Variants in CD164 observed in about 807,000 individuals in gnomAD.
CD164 encodes sialomucin core protein 24.
Under a neutral mutation model 24.6 loss-of-function variants are expected in CD164, and 11 were observed. The ratio of observed to expected loss-of-function variants is 0.45; its 90% CI spans 0.28 to 0.74. CD164 has a LOEUF of 0.74. CD164 is among the 30% of genes least tolerant of loss of function. The probability of loss-of-function intolerance (pLI) is 0.13; values close to 1 mark genes in which losing one functional copy is unlikely to be tolerated. For synonymous variants in CD164, 126 were observed against 100.3 expected (o/e 1.26, Z -1.53); for missense variants, 295 against 243.7 (o/e 1.21, Z -1.40).
intron 4 of CD164, chr6:109,370,694 GTATC>G (rs1771029470): frequency 6.8e-6 from 3 of 443,528 alleles, no homozygotes; most frequent in Non-Finnish European, 1.2e-5. Flanking sequence ...TAATATCTAT[GTATC>G]TATCTTGTAT....
At chr6:109,379,759 T>C in intron 1 of CD164, 97 bp from the exon 2 acceptor site, 1 of 837,744 alleles carries the variant, frequency 1.2e-6, no homozygotes, top group South Asian at 1.6e-5. Flanking sequence ...AAGCATTACA[T>C]ACAGCATCAA....
chr6:109,373,505 CAGCACCAAAGAGAGCTAT>C (rs1771213771), intron 4 of CD164, among the ~76,000 whole-genome samples: 1 of 152,160 alleles, frequency 6.6e-6, no homozygotes, highest in South Asian at 2.1e-4. Context: ...TCCCCCTTTA[CAGCACCAAAGAGAGCTAT>C]AGCACAAAAG....
chr6:109,368,406 T>C lies in CD164; in HGVS notation c.*445A>G. 7.0e-7 allele frequency: 1 copy of C among 1,435,816 alleles called. No individual in the cohort carries two copies. Among genetic ancestry groups the C allele is most frequent in the Non-Finnish European group, 9.1e-7 (1 of 1,094,752 alleles). The allele number at this position is 1,435,816 out of a possible 1,614,324, so 88.9% of individuals were successfully genotyped here. A position where few individuals can be genotyped will look rare whatever the true frequency, so the allele number is the denominator to read the frequency against. ...TTTAGTACTACTAAATTAATAAATT[T>C]ATTCCACTTTTGAAATGACAGCCAA... On this transcript the variant is annotated 3_prime_UTR_variant, in exon 6 of 6. Transcript: ENST00000310786.
chr6:109,371,848 A>G (rs562984257), intron 4 of CD164: 1 of 152,746 alleles, frequency 6.5e-6, no homozygotes, highest in Non-Finnish European at 1.5e-5. Flanking sequence ...CAAGGGCTTC[A>G]ATATGAGGAT....
intron 1 of CD164, chr6:109,381,697 G>A: frequency 3.1e-6 from 2 of 655,570 alleles, no homozygotes; most frequent in South Asian, 1.7e-5. Context: ...TCTGAGACAC[G>A]AACGAGCATT....
chr6:109,378,762 C>T (rs1771566093), intron 2 of CD164, among the ~76,000 whole-genome samples: 1 of 151,792 alleles, frequency 6.6e-6, no homozygotes, highest in Non-Finnish European at 1.5e-5. Context: ...ACTTCTATAA[C>T]AAAAAAGTTA....
intron 3 of CD164, among the ~76,000 whole-genome samples, 184 bp downstream of exon 3, chr6:109,377,716 C>G (rs1369244878): frequency 6.6e-6 from 1 of 151,452 alleles, no homozygotes; most frequent in Non-Finnish European, 1.5e-5. Flanking sequence ...AGCTAAATCA[C>G]TAAACCAAGC....
intron 4 of CD164, among the ~76,000 whole-genome samples, chr6:109,374,726 A>T (rs916617466): frequency 6.6e-6 from 1 of 152,044 alleles, no homozygotes; most frequent in East Asian, 1.9e-4. Flanking sequence ...ACTCCTTCTC[A>T]CCTTGTACAG....
At position 109,366,597 on chromosome 6, in the gene CD164, T is replaced by C. The variant is rs1770770272; in HGVS notation, c.*2254A>G. The C allele has an allele frequency of 6.6e-6, 1 of 152,628 alleles. No individual in the cohort carries two copies. The highest frequency in any genetic ancestry group is 2.1e-4 in the South Asian group (1 of 4,834). 9.5% of individuals were successfully genotyped at this position (152,628 alleles called of 1,614,324 possible). The stretch of plus-strand genomic sequence containing the variant: ...TTTTGCAGTTTTTAATGAACTGAAA[T>C]AGAAATGTCTAAATACAGCAGTATC... On this transcript the variant is annotated 3_prime_UTR_variant, in exon 6 of 6. Transcript: ENST00000310786.
At chr6:109,379,420 G>A (rs1226977964) in intron 2 of CD164, among the ~76,000 whole-genome samples, 159 bp downstream of exon 2, 1 of 152,190 alleles carries the variant, frequency 6.6e-6, no homozygotes, top group Admixed American at 6.5e-5. Flanking sequence ...GAGATTTTCA[G>A]GGGGAGTGCG....
intron 4 of CD164, chr6:109,372,809 T>C (rs1188493796): frequency 2.0e-5 from 3 of 152,314 alleles, no homozygotes; most frequent in Admixed American, 1.3e-4. Flanking sequence ...CTATTACCAA[T>C]TGTTTGACAA....
intron 3 of CD164, among the ~76,000 whole-genome samples, chr6:109,376,914 C>T (rs542450292): frequency 9.8e-5 from 15 of 152,312 alleles, no homozygotes; most frequent in African/African-American, 3.6e-4. Flanking sequence ...AGTGGGAAGA[C>T]TGCTTAAGCC....
chr6:109,381,217 CTT>C (rs1771719154), intron 1 of CD164, among the ~76,000 whole-genome samples: 1 of 152,204 alleles, frequency 6.6e-6, no homozygotes, highest in African/African-American at 2.4e-5. Context: ...TTCCTTCTCT[CTT>C]TTGTGTTGTC....
At chr6:109,370,003 A>G (rs1770987305) in intron 5 of CD164, among the ~76,000 whole-genome samples, 1 of 152,232 alleles carries the variant, frequency 6.6e-6, no homozygotes, top group African/African-American at 2.4e-5. Context: ...CACATCTGGT[A>G]GTGATTCTGG....
Position 109,377,866 on chromosome 6 carries a change from G to T in CD164, c.331+34C>A, listed in dbSNP as rs369727634. ...GCAATGATCTTCCTCACCTCTCTGC[G>T]GTCAGCTTCCAAGCAGCCAATATGA... On this transcript the variant is annotated intron_variant, in intron 3 of 5. Transcript: ENST00000310786. 6.5e-6 allele frequency: 10 copies of T among 1,527,472 alleles called. No homozygotes were observed. In the African/African-American group the frequency reaches 1.2e-4, roughly 19 times the overall value. 94.6% of individuals were successfully genotyped at this position (1,527,472 alleles called of 1,614,324 possible). A position where few individuals can be genotyped will look rare whatever the true frequency, so the allele number is the denominator to read the frequency against.
At chr6:109,374,930 C>T (rs929216287) in intron 4 of CD164, among the ~76,000 whole-genome samples, 3 of 152,208 alleles carry the variant, frequency 2.0e-5, no homozygotes, top group Non-Finnish European at 4.4e-5. Flanking sequence ...TGAGATCTTT[C>T]ATTGTTCCTA....
chr6:109,377,388 G>A (rs890201803), intron 3 of CD164, among the ~76,000 whole-genome samples: 10 of 152,064 alleles, frequency 6.6e-5, no homozygotes, highest in Non-Finnish European at 1.5e-5. Context: ...GGAAAAATCA[G>A]CAGCTTCAAG....
At chr6:109,380,508 T>C (rs951426508) in intron 1 of CD164, 31 of 152,252 alleles carry the variant, frequency 2.0e-4, no homozygotes, top group African/African-American at 7.2e-4. Context: ...CTGCTTTCAA[T>C]ACTTCATCAT....
At chr6:109,380,906 T>C (rs867965413) in intron 1 of CD164, among the ~76,000 whole-genome samples, 11 of 152,388 alleles carry the variant, frequency 7.2e-5, no homozygotes, top group African/African-American at 1.9e-4. Context: ...CCCAGTATTA[T>C]ACTGCAATTT....
Sources: allele counts gnomAD v4.1 joint callset (sites outside exome capture counted in the v4.1 genomes callset), GRCh38; gene constraint gnomAD v4.1.1; transcripts MANE v1.5; gene names NCBI Gene and HGNC (gene_info 2026-07-23, HGNC 2026-07-21).